The following HEATR1 variants were observed in gnomAD, a reference collection of about 807,000 sequenced individuals.
The protein encoded by HEATR1 is HEAT repeat containing 1.
A neutral mutation model predicts 248.2 loss-of-function variants in HEATR1; 77 were observed. The observed-to-expected ratio is 0.31, with a 90% CI of 0.26 to 0.37. HEATR1 has a LOEUF of 0.37. Ranked by LOEUF, HEATR1 falls within the 10% of genes least tolerant of loss-of-function variation. HEATR1 has a pLI of 1.00. For synonymous variants in HEATR1, 897 were observed against 923.1 expected (o/e 0.97, Z 0.51); for missense variants, 2,420 against 2,504.9 (o/e 0.97, Z 0.72).
chr1:236,563,742 C>A (rs1481133099), intron 32 of HEATR1, among the ~76,000 whole-genome samples: 1 of 152,136 alleles, frequency 6.6e-6, no homozygotes. Context: ...TTCTTTCCTT[C>A]CTTTTCTCTC....
At position 236,583,110 on chromosome 1, in the gene HEATR1, G is replaced by A; in HGVS notation, c.2328C>T (p.Asn776=). 2 of 1,614,106 alleles carry A rather than the reference G, an allele frequency of 1.2e-6. No homozygotes were observed. The highest frequency in any genetic ancestry group is 1.7e-6 in the Non-Finnish European group (2 of 1,179,950). The change falls in exon 18 of 45, where the codon AAC becomes AAT. Residue 776 remains asparagine, a synonymous_variant. Coordinates refer to ENST00000366582, the MANE Select transcript of HEATR1 (RefSeq NM_018072.6). ...ELWAHYVEEL[N]STQRVAVEDS... ...CCTCCACGGCCACCCTCTGAGTGCT[G>A]TTGAGCTCTTCTACATAATGTGCCC... is the stretch of plus-strand genomic sequence containing the variant.
At chr1:236,579,220 T>G (rs1189757706) in intron 20 of HEATR1, among the ~76,000 whole-genome samples, 8 of 151,930 alleles carry the variant, frequency 5.3e-5, no homozygotes, top group Non-Finnish European at 8.8e-5. Flanking sequence ...CATACAACTG[T>G]TTATTCAGTG....
chr1:236,552,224 A>T (rs1212349271), intron 43 of HEATR1, 117 bp from the exon 44 acceptor site: 1 of 623,252 alleles, frequency 1.6e-6, no homozygotes, highest in Non-Finnish European at 2.8e-6. Context: ...ACATGCGTTT[A>T]TTCACTTCAT....
At chr1:236,603,822 T>C (rs1291071176) in intron 2 of HEATR1, 132 bp downstream of exon 2, 2 of 954,572 alleles carry the variant, frequency 2.1e-6, no homozygotes, top group Non-Finnish European at 3.1e-6. Flanking sequence ...CCCTTAAAAA[T>C]ATACATCAAC....
In HEATR1 at chr1:236,593,998, A is replaced by G; in HGVS notation, c.1193+14T>C. 6.5e-7 allele frequency: 1 copy of G among 1,534,972 alleles called. No individual in the cohort carries two copies. Among genetic ancestry groups the G allele is most frequent in the Non-Finnish European group, 8.8e-7 (1 of 1,130,384 alleles). On this transcript the variant is annotated intron_variant, in intron 9 of 44. Coordinates refer to ENST00000366582, the MANE Select transcript of HEATR1 (RefSeq NM_018072.6). ...AAAATGTAAATCAAAAGCATGTCAAAAATAATAGCTTACCTAGCCAACAAA... is the reference window on the plus strand; with the variant it reads ...AAAATGTAAATCAAAAGCATGTCAAGAATAATAGCTTACCTAGCCAACAAA...
rs757019509 is a variant in HEATR1 at position 236,592,104 on chromosome 1, G to C, written c.1311C>G (p.Pro437=). ...PLIRLLESKY[P]RTLDVVLEEH... ...CCTCTAATACAACATCTAATGTTCT[G>C]GGGTATCTGGGAAGCAATTAAAAAG... Residue 437 remains proline (P), a synonymous_variant, in exon 11 of 45, where the codon CCC becomes CCG. Transcript: ENST00000366582. The C allele has an allele frequency of 1.3e-6, 2 of 1,529,164 alleles. No individual in the cohort carries two copies. The highest frequency in any genetic ancestry group is 2.4e-5 in the South Asian group (2 of 83,798). The allele number at this position is 1,529,164 out of a possible 1,614,324, so 94.7% of individuals were successfully genotyped here. A position where few individuals can be genotyped will look rare whatever the true frequency, so the allele number is the denominator to read the frequency against.
chr1:236,567,010 AGG>A, intron 29 of HEATR1, 134 bp from the exon 30 acceptor site: 1 of 636,338 alleles, frequency 1.6e-6, no homozygotes, highest in Non-Finnish European at 2.7e-6. Flanking sequence ...TTTTAGAGAC[AGG>A]GTCTTTCTCC....
chr1:236,600,692 A>T (rs571708428), intron 3 of HEATR1, among the ~76,000 whole-genome samples: 1 of 151,964 alleles, frequency 6.6e-6, no homozygotes, highest in East Asian at 1.9e-4. Context: ...CACCACACCC[A>T]GCTAATTTTT....
intron 20 of HEATR1, among the ~76,000 whole-genome samples, chr1:236,580,158 T>C (rs890798668): frequency 1.3e-5 from 2 of 152,244 alleles, no homozygotes; most frequent in African/African-American, 4.8e-5. Flanking sequence ...ATCGCATTCA[T>C]TGTTTCATGA....
At chr1:236,565,422 G>T (rs1022664845) in intron 31 of HEATR1, among the ~76,000 whole-genome samples, 1 of 152,092 alleles carries the variant, frequency 6.6e-6, no homozygotes, top group Non-Finnish European at 1.5e-5. Context: ...CTGGGTAGCT[G>T]GGACCACAGG....
Position 236,572,699 on chromosome 1 carries a change from G to C in HEATR1, c.3563+26C>G, listed in dbSNP as rs1255069115. 9 of 1,601,660 alleles carry C rather than the reference G, an allele frequency of 5.6e-6. No individual in the cohort carries two copies. The South Asian group carries it at 8.8e-5, about 16-fold the overall frequency. On this transcript the variant is annotated intron_variant, in intron 25 of 44. Transcript: ENST00000366582. Reference sequence around the variant, plus strand: ...ATTCAGAGTCAGGGAACAACAGCATGTGCTCAATGCATTTGTAGCTCTTAC... The same window carrying C: ...ATTCAGAGTCAGGGAACAACAGCATCTGCTCAATGCATTTGTAGCTCTTAC...
intron 3 of HEATR1, among the ~76,000 whole-genome samples, chr1:236,602,117 C>T (rs1402455473): frequency 4.0e-5 from 6 of 151,204 alleles, no homozygotes; most frequent in Admixed American, 2.0e-4. Flanking sequence ...CCAGCCTGGG[C>T]GACAGTGCGA....
At position 236,595,985 on chromosome 1, in the gene HEATR1, A is replaced by T; in HGVS notation, c.804T>A (p.Ile268=). Residue 268 remains isoleucine, a synonymous_variant, in exon 7 of 45, where the codon ATT becomes ATA. Transcript: ENST00000366582. The part of the protein sequence containing the change: ...RAATYMIICQ[I]SVKVTMENTF... ...TATTTTCCATGGTCACTTTCACAGA[A>T]ATCTGACATATTATCATGTATGTTG... is the stretch of plus-strand genomic sequence containing the variant. 1 of 1,613,932 alleles carries T rather than the reference A, an allele frequency of 6.2e-7. No homozygotes were observed. The highest frequency in any genetic ancestry group is 1.1e-5 in the South Asian group (1 of 91,070).
rs368626502 is a variant in HEATR1 at position 236,599,653 on chromosome 1, G to A, written c.360-29C>T. On this transcript the variant is annotated intron_variant, in intron 3 of 44. Transcript: ENST00000366582. ...GGGAAAAAAAGCAAACAGTCCAACTGAACACAAAACTTAATAATAAGCACC... is the reference window on the plus strand; with the variant it reads ...GGGAAAAAAAGCAAACAGTCCAACTAAACACAAAACTTAATAATAAGCACC... 3.2e-6 allele frequency: 5 copies of A among 1,572,778 alleles called. No homozygotes were observed. In the African/African-American group the frequency reaches 6.8e-5, roughly 21 times the overall value.
In HEATR1 at chr1:236,582,874, T is replaced by A. The variant is rs1330734155; in HGVS notation, c.2426-2A>T. 6.2e-7 allele frequency: 1 copy of A among 1,613,816 alleles called. No individual in the cohort carries two copies. On this transcript the variant is annotated splice_acceptor_variant, in intron 18 of 44. Transcript: ENST00000366582. LOFTEE classifies it high-confidence loss of function. The stretch of plus-strand genomic sequence containing the variant: ...GTTCAGGATTCCACCATATATCACC[T>A]ACAAGGACATGGAAAGAGAAATGAT...
intron 20 of HEATR1, among the ~76,000 whole-genome samples, chr1:236,579,874 T>C (rs1295461219): frequency 6.6e-6 from 1 of 151,918 alleles, no homozygotes; most frequent in South Asian, 2.1e-4. Context: ...GGGAAAAGTA[T>C]ACGATCATCT....
At chr1:236,598,391 T>C (rs1418253885) in intron 4 of HEATR1, among the ~76,000 whole-genome samples, 1 of 152,190 alleles carries the variant, frequency 6.6e-6, no homozygotes, top group Non-Finnish European at 1.5e-5. Flanking sequence ...ATTCCCACCA[T>C]CTAGCGTTGT....
chr1:236,559,655 T>C (rs1373348150), intron 34 of HEATR1, 59 bp downstream of exon 34: 4 of 1,529,078 alleles, frequency 2.6e-6, no homozygotes, highest in Non-Finnish European at 3.5e-6. Flanking sequence ...TTACATAATT[T>C]CACAATAATT....
At chr1:236,586,159 A>G in intron 15 of HEATR1, 82 bp downstream of exon 15, 1 of 1,303,002 alleles carries the variant, frequency 7.7e-7, no homozygotes, top group African/African-American at 1.5e-5. Context: ...TATAAGCATG[A>G]CCAACAATAA....
Sources: gnomAD v4.1 joint callset for allele counts (sites outside exome capture counted in the v4.1 genomes callset) on GRCh38, gnomAD v4.1.1 for gene constraint, MANE v1.5 for transcripts, NCBI Gene and HGNC (gene_info 2026-07-23, HGNC 2026-07-21) for gene names.